Variants in ZC3H12A observed in about 807,000 individuals in gnomAD.
ZC3H12A encodes zinc finger CCCH-type containing 12A, also known as endoribonuclease ZC3H12A.
ZC3H12A carries 9 observed loss-of-function variants against 29.9 expected under a neutral mutation model. The observed-to-expected ratio is 0.30, with a 90% CI of 0.18 to 0.53. The LOEUF (loss-of-function observed/expected upper bound fraction) is 0.53. Ranked by LOEUF, ZC3H12A falls within the 20% of genes least tolerant of loss-of-function variation. The pLI is 0.96. For synonymous variants in ZC3H12A, 323 were observed against 338.1 expected (o/e 0.96, Z 0.49); for missense variants, 617 against 799.0 (o/e 0.77, Z 2.75).
rs111998194 is a variant in ZC3H12A at position 37,481,318 on chromosome 1, G to C, written c.584-283G>C. Among the ~76,000 whole-genome samples, 1,160 of 152,336 alleles carry C rather than the reference G, an allele frequency of 7.6e-3. 18 individuals carry two copies. The highest frequency in any genetic ancestry group is 0.026 in the African/African-American group (1,081 of 41,564). On this transcript the variant is annotated intron_variant, in intron 3 of 5. Transcript: ENST00000373087. ...GACCACATCTGGCTTGAACAGGCCTGATGTCCAGAAGGAGAAAAGGAACAA... is the reference window on the plus strand; with the variant it reads ...GACCACATCTGGCTTGAACAGGCCTCATGTCCAGAAGGAGAAAAGGAACAA...
chr1:37,482,018 A>G (rs1641718115), intron 4 of ZC3H12A, among the ~76,000 whole-genome samples, 183 bp downstream of exon 4: 1 of 152,154 alleles, frequency 6.6e-6, no homozygotes. Flanking sequence ...GAGAAATCAG[A>G]CCGGGACCAG....
At chr1:37,480,871 A>G (rs1040486633) in intron 3 of ZC3H12A, among the ~76,000 whole-genome samples, 4 of 152,226 alleles carry the variant, frequency 2.6e-5, no homozygotes, top group Non-Finnish European at 4.4e-5. Context: ...GGGTGTTGAC[A>G]GCATTGCCTT....
At position 37,483,910 on chromosome 1, in the gene ZC3H12A, CA is replaced by C; in HGVS notation, c.*302del. On this transcript the variant is annotated 3_prime_UTR_variant, in exon 6 of 6. Transcript: ENST00000373087. ...ACGGCGTCGGTCCGTGGCTGAGGCC[CA>C]AACCGTCTTTTCTCTCAGAGGGTGG... The C allele has an allele frequency of 3.0e-6, 1 of 334,874 alleles. No individual in the cohort carries two copies. The highest frequency in any genetic ancestry group is 5.5e-6 in the Non-Finnish European group (1 of 182,294). 20.7% of individuals were successfully genotyped at this position (334,874 alleles called of 1,614,324 possible).
chr1:37,483,142 A>G lies in ZC3H12A; in HGVS notation c.1331A>G (p.Glu444Gly). The G allele has an allele frequency of 6.2e-7, 1 of 1,613,502 alleles. No individual in the cohort carries two copies. The highest frequency in any genetic ancestry group is 8.5e-7 in the Non-Finnish European group (1 of 1,179,924). Residue 444 changes from glutamate to glycine, a missense_variant, in exon 6 of 6, where the codon GAG becomes GGG. Glu to Gly is a moderately conservative substitution (Grantham distance 98). Coordinates refer to ENST00000373087, the MANE Select transcript of ZC3H12A (RefSeq NM_025079.3). ...DCLDSGIGSL[E>G]SQMSELWGVR... Reference sequence around the variant, plus strand: ...CTGGACTCGGGCATTGGCTCCCTGGAGAGCCAGATGTCGGAACTTTGGGGG... The same window carrying G: ...CTGGACTCGGGCATTGGCTCCCTGGGGAGCCAGATGTCGGAACTTTGGGGG...
At position 37,479,958 on chromosome 1, in the gene ZC3H12A, G is replaced by A. The variant is rs367952536; in HGVS notation, c.444-332G>A. 108 of 1,072,334 alleles carry A rather than the reference G, an allele frequency of 1.0e-4. No homozygotes were observed. The East Asian group carries it at 3.7e-3, about 37-fold the overall frequency. The allele number at this position is 1,072,334 out of a possible 1,614,324, so 66.4% of individuals were successfully genotyped here. A position where few individuals can be genotyped will look rare whatever the true frequency, so the allele number is the denominator to read the frequency against. On this transcript the variant is annotated intron_variant, in intron 2 of 5. Coordinates refer to ENST00000373087, the MANE Select transcript of ZC3H12A (RefSeq NM_025079.3). The surrounding 1 kb of genome is among the most constrained non-coding windows in gnomAD (Gnocchi z 4.5). ...GCAAGTGGCCTGGCCCTCCCCCACC[G>A]TGGGGAGCAGTGCTGCCAGCTTCCT...
At position 37,479,398 on chromosome 1, in the gene ZC3H12A, C is replaced by G. The variant is rs575504281; in HGVS notation, c.444-892C>G. ...TAGAGGAACGGAGAGCTGCGGCAGC[C>G]CAGGAGCCCTGCCAGGCTTCCTTCT... On this transcript the variant is annotated intron_variant, in intron 2 of 5. Coordinates refer to ENST00000373087, the MANE Select transcript of ZC3H12A (RefSeq NM_025079.3). This position sits in a 1 kb window ranked among gnomAD's most constrained non-coding sequence, Gnocchi z 4.5. The G allele has an allele frequency of 3.0e-6, 3 of 985,444 alleles. No homozygotes were observed. The African/African-American group carries it at 5.2e-5, about 17-fold the overall frequency. 61.0% of individuals were successfully genotyped at this position (985,444 alleles called of 1,614,324 possible). A position where few individuals can be genotyped will look rare whatever the true frequency, so the allele number is the denominator to read the frequency against.
In ZC3H12A at chr1:37,479,374, A is replaced by G; in HGVS notation, c.444-916A>G. 1 of 985,424 alleles carries G rather than the reference A, an allele frequency of 1.0e-6. No homozygotes were observed. Among genetic ancestry groups the G allele is most frequent in the Non-Finnish European group, 1.2e-6 (1 of 829,928 alleles). The allele number at this position is 985,424 out of a possible 1,614,324, so 61.0% of individuals were successfully genotyped here. The stretch of plus-strand genomic sequence containing the variant: ...CAGACTGCTGGGCCCATTTTCAGAT[A>G]GAGGAACGGAGAGCTGCGGCAGCCC... On this transcript the variant is annotated intron_variant, in intron 2 of 5. Transcript: ENST00000373087. This position sits in a 1 kb window ranked among gnomAD's most constrained non-coding sequence, Gnocchi z 4.5.
chr1:37,475,702 T>C lies in ZC3H12A; in HGVS notation c.206T>C (p.Leu69Pro), dbSNP rs1641571649. The change falls in exon 2 of 6, where the codon CTG becomes CCG. Residue 69 changes from leucine to proline, a missense_variant. Physicochemically the swap from Leu to Pro is moderately conservative, Grantham distance 98. Coordinates refer to ENST00000373087, the MANE Select transcript of ZC3H12A (RefSeq NM_025079.3). The surrounding 1 kb of genome is among the most constrained non-coding windows in gnomAD (Gnocchi z 5.2). ...TCATCCACGGAGATCCACAGCGTCC[T>C]GCAGAAGCTGGGCGTCCAGGCAGAC... ...GYSSTEIHSVLQKLGVQADTN... is the reference protein window; with the variant it reads ...GYSSTEIHSVPQKLGVQADTN... 1 of 1,613,998 alleles carries C rather than the reference T, an allele frequency of 6.2e-7. No homozygotes were observed.
At chr1:37,482,226 T>C (rs1009803391) in intron 4 of ZC3H12A, 9 of 599,786 alleles carry the variant, frequency 1.5e-5, no homozygotes, top group Non-Finnish European at 2.4e-5. Context: ...AAGGTGCCCA[T>C]GGGCTGTGGC....
rs913336030 is a variant in ZC3H12A, at chr1:37,479,642, C to G, written c.444-648C>G. On this transcript the variant is annotated intron_variant, in intron 2 of 5. Transcript: ENST00000373087. This position sits in a 1 kb window ranked among gnomAD's most constrained non-coding sequence, Gnocchi z 4.5. ...TCCTGGGGAACTTGCTTCACTCCGG[C>G]GCTTTCTGTCCCATGCTGAAGGCTG... 7.1e-6 allele frequency: 7 copies of G among 985,314 alleles called. No individual in the cohort carries two copies. Among genetic ancestry groups the G allele is most frequent in the Middle Eastern group, 1.0e-3 (2 of 1,936 alleles). The allele number at this position is 985,314 out of a possible 1,614,324, so 61.0% of individuals were successfully genotyped here.
rs773932335 is a variant in ZC3H12A at position 37,482,778 on chromosome 1, C to G, written c.967C>G (p.Pro323Ala). ...TYGIKCRFFH[P>A]ERPSCPQRSV... is the part of the protein sequence containing the mutation. The stretch of plus-strand genomic sequence containing the variant: ...TGGGATCAAGTGCCGATTCTTCCAC[C>G]CAGAGCGGCCAAGCTGCCCCCAGCG... The change falls in exon 6 of 6, where the codon CCA becomes GCA. Residue 323 changes from proline to alanine, a missense_variant. By Grantham distance (27) the Pro-to-Ala change is conservative. Around this residue, in one of 5 missense-constraint regions of ZC3H12A, gnomAD observed 255 missense variants for 402.5 expected, o/e 0.63. Coordinates refer to ENST00000373087, the MANE Select transcript of ZC3H12A (RefSeq NM_025079.3). The G allele has an allele frequency of 6.2e-7, 1 of 1,614,140 alleles. No homozygotes were observed. The highest frequency in any genetic ancestry group is 8.5e-7 in the Non-Finnish European group (1 of 1,180,026).
Position 37,479,658 on chromosome 1 carries a change from C to T in ZC3H12A, c.444-632C>T, listed in dbSNP as rs1211707633. ...TCACTCCGGCGCTTTCTGTCCCATG[C>T]TGAAGGCTGGAGTCGCCAGCCCCTT... On this transcript the variant is annotated intron_variant, in intron 2 of 5. Coordinates refer to ENST00000373087, the MANE Select transcript of ZC3H12A (RefSeq NM_025079.3). This position sits in a 1 kb window ranked among gnomAD's most constrained non-coding sequence, Gnocchi z 4.5. The T allele has an allele frequency of 2.0e-6, 2 of 985,312 alleles. No individual in the cohort carries two copies. Among genetic ancestry groups the T allele is most frequent in the African/African-American group, 3.5e-5 (2 of 57,242 alleles). The allele number at this position is 985,312 out of a possible 1,614,324, so 61.0% of individuals were successfully genotyped here. A position where few individuals can be genotyped will look rare whatever the true frequency, so the allele number is the denominator to read the frequency against.
rs758292479 is a variant in ZC3H12A, at chr1:37,483,509, G to A, written c.1698G>A (p.Pro566=). 3.0e-5 allele frequency: 48 copies of A among 1,613,766 alleles called. No homozygotes were observed. The highest frequency in any genetic ancestry group is 1.6e-4 in the Middle Eastern group (1 of 6,062). ...CTAAGCTGTGTGGTGTGTTTCCCCC[G>A]CACCTGGTGGAGGCTGTGATGGGGC... is the stretch of plus-strand genomic sequence containing the variant. ...VYTKLCGVFP[P]HLVEAVMGRF... The change falls in exon 6 of 6, where the codon CCG becomes CCA. Residue 566 remains proline, a synonymous_variant. Transcript: ENST00000373087.
chr1:37,480,381 G>A lies in ZC3H12A; in HGVS notation c.535G>A (p.Val179Met), dbSNP rs1557594312. Residue 179 changes from valine to methionine, a missense_variant, in exon 3 of 6, where the codon GTG becomes ATG. By Grantham distance (21) the Val-to-Met change is conservative (BLOSUM62 1). Around this residue, in one of 5 missense-constraint regions of ZC3H12A, gnomAD observed 255 missense variants for 402.5 expected, o/e 0.63. Transcript: ENST00000373087. ...ERGHTDITVF[V>M]PSWRKEQPRP... ...GGGCCACACAGACATCACAGTGTTT[G>A]TGCCATCCTGGAGGAAGGAGCAGCC... 4 of 1,614,048 alleles carry A rather than the reference G, an allele frequency of 2.5e-6. No individual in the cohort carries two copies. Among genetic ancestry groups the A allele is most frequent in the Non-Finnish European group, 3.4e-6 (4 of 1,179,934 alleles).
rs1569921725 is a variant in ZC3H12A, at chr1:37,479,042, A to C, written c.444-1248A>C. ...CTTAGGGCTCCAGCTATCACCCCTT[A>C]CCTCCCCCACTCCCATTAAAGACAC... On this transcript the variant is annotated intron_variant, in intron 2 of 5. Transcript: ENST00000373087. The surrounding 1 kb of genome is among the most constrained non-coding windows in gnomAD (Gnocchi z 4.5). 1.0e-6 allele frequency: 1 copy of C among 981,176 alleles called. No homozygotes were observed. The highest frequency in any genetic ancestry group is 1.2e-6 in the Non-Finnish European group (1 of 828,906). 60.8% of individuals were successfully genotyped at this position (981,176 alleles called of 1,614,324 possible). A position where few individuals can be genotyped will look rare whatever the true frequency, so the allele number is the denominator to read the frequency against.
At position 37,482,426 on chromosome 1, in the gene ZC3H12A, C is replaced by T; in HGVS notation, c.819-8C>T. On this transcript the variant is annotated splice_region_variant and splice_polypyrimidine_tract_variant and intron_variant, in intron 4 of 5. Coordinates refer to ENST00000373087, the MANE Select transcript of ZC3H12A (RefSeq NM_025079.3). ...CCACCTCCAGAGAGTTCTTTGCACCCTCTGCAGGTTTATGCCCCCTGATGA... is the reference window on the plus strand; with the variant it reads ...CCACCTCCAGAGAGTTCTTTGCACCTTCTGCAGGTTTATGCCCCCTGATGA... The T allele has an allele frequency of 6.2e-7, 1 of 1,609,782 alleles. No individual in the cohort carries two copies. Among genetic ancestry groups the T allele is most frequent in the Non-Finnish European group, 8.5e-7 (1 of 1,177,000 alleles).
At position 37,481,663 on chromosome 1, in the gene ZC3H12A, G is replaced by A. The variant is rs755664751; in HGVS notation, c.646G>A (p.Val216Met). 1.9e-5 allele frequency: 31 copies of A among 1,614,128 alleles called. No individual in the cohort carries two copies. Among genetic ancestry groups the A allele is most frequent in the Non-Finnish European group, 2.5e-5 (29 of 1,180,046 alleles). The change falls in exon 4 of 6, where the codon GTG becomes ATG. Residue 216 changes from valine to methionine, a missense_variant. This residue lies in a region of ZC3H12A where 255 missense variants were observed against 402.5 expected (regional missense o/e 0.63). Transcript: ENST00000373087. ...CCTGGTGTTCACACCATCACGACGC[G>A]TGGGTGGCAAGCGGGTGGTGTGCTA... ...KILVFTPSRR[V>M]GGKRVVCYDD...
At position 37,475,907 on chromosome 1, in the gene ZC3H12A, AG is replaced by A; in HGVS notation, c.412del (p.Val138TrpfsTer10). 6.6e-7 allele frequency: 1 copy of A among 1,521,954 alleles called. No homozygotes were observed. Among genetic ancestry groups the A allele is most frequent in the Non-Finnish European group, 8.8e-7 (1 of 1,139,740 alleles). The allele number at this position is 1,521,954 out of a possible 1,614,324, so 94.3% of individuals were successfully genotyped here. On this transcript the variant is annotated frameshift_variant, in exon 2 of 6. Coordinates refer to ENST00000373087, the MANE Select transcript of ZC3H12A (RefSeq NM_025079.3). LOFTEE classifies it high-confidence loss of function. The surrounding 1 kb of genome is among the most constrained non-coding windows in gnomAD (Gnocchi z 5.2). ...AAAAGGAGGGCAGCGACCTGAGACC[AG>A]TGGTCATCGATGGGAGCAACGTGGC... ...EEKEGSDLRPVVIDGSNVAMS... is the reference protein window; with the variant it reads ...EEKEGSDLRPXVIDGSNVAMS...
Position 37,479,781 on chromosome 1 carries a change from G to C in ZC3H12A, c.444-509G>C. 2 of 985,426 alleles carry C rather than the reference G, an allele frequency of 2.0e-6. No individual in the cohort carries two copies. The highest frequency in any genetic ancestry group is 9.4e-5 in the South Asian group (2 of 21,292). The allele number at this position is 985,426 out of a possible 1,614,324, so 61.0% of individuals were successfully genotyped here. A position where few individuals can be genotyped will look rare whatever the true frequency, so the allele number is the denominator to read the frequency against. On this transcript the variant is annotated intron_variant, in intron 2 of 5. Transcript: ENST00000373087. This position sits in a 1 kb window ranked among gnomAD's most constrained non-coding sequence, Gnocchi z 4.5. ...TTTCTCCTCGGTCAGCCCAGCCGGTGCTTCCCCCGCCCCCACCCACGCTGC... is the reference window on the plus strand; with the variant it reads ...TTTCTCCTCGGTCAGCCCAGCCGGTCCTTCCCCCGCCCCCACCCACGCTGC...
Sources: allele counts gnomAD v4.1 joint callset (sites outside exome capture counted in the v4.1 genomes callset), GRCh38; gene constraint gnomAD v4.1.1; regional missense constraint gnomAD v4.1.1; non-coding constraint Gnocchi (gnomAD v3.1); transcripts MANE v1.5; gene names NCBI Gene and HGNC (gene_info 2026-07-23, HGNC 2026-07-21).